The following CCDC13 variants were observed in gnomAD, a reference collection of about 807,000 sequenced individuals.
The protein encoded by CCDC13 is coiled-coil domain-containing protein 13.
A neutral mutation model predicts 87.3 loss-of-function variants in CCDC13; 70 were observed. The ratio of observed to expected loss-of-function variants is 0.80; its 90% CI spans 0.66 to 0.98. The LOEUF (loss-of-function observed/expected upper bound fraction) is 0.98. Ranked by LOEUF, CCDC13 falls within the 50% of genes least tolerant of loss-of-function variation. CCDC13 has a pLI of 0.00. For synonymous variants in CCDC13, 317 were observed against 360.3 expected (o/e 0.88, Z 1.36); for missense variants, 842 against 892.0 (o/e 0.94, Z 0.71).
chr3:42,737,386 G>A (rs78329140), intron 9 of CCDC13, among the ~76,000 whole-genome samples: 25,689 of 152,140 alleles, frequency 0.17, 2,244 homozygotes, highest in South Asian at 0.25. Context: ...GTGTGCATGC[G>A]TCTTTATAGT....
chr3:42,769,923 G>C (rs543615134), intron 1 of CCDC13, among the ~76,000 whole-genome samples: 9 of 152,378 alleles, frequency 5.9e-5, no homozygotes, highest in Admixed American at 1.3e-4. Context: ...GCTGGGGACC[G>C]GCAGCCCGCC....
intron 9 of CCDC13, among the ~76,000 whole-genome samples, chr3:42,737,013 A>G (rs981238687): frequency 1.3e-5 from 2 of 152,170 alleles, no homozygotes; most frequent in Admixed American, 1.3e-4. Context: ...TGCTGCACCC[A>G]TCAACTCATC....
At chr3:42,745,702 C>A in intron 7 of CCDC13, 2 of 392,578 alleles carry the variant, frequency 5.1e-6, no homozygotes, top group Non-Finnish European at 9.1e-6. Flanking sequence ...CAGTGCCTGG[C>A]ATGTGCTAAG....
chr3:42,752,192 G>A (rs145095475), intron 4 of CCDC13, among the ~76,000 whole-genome samples, 167 bp from the exon 5 acceptor site: 381 of 152,320 alleles, frequency 2.5e-3, no homozygotes, highest in Non-Finnish European at 4.1e-3. Context: ...GCTCTGGAAT[G>A]GAGAGGGTTT....
At position 42,739,646 on chromosome 3, in the gene CCDC13, G is replaced by A. The variant is rs200080188; in HGVS notation, c.1152C>T (p.Ile384=). Residue 384 remains isoleucine (I), a synonymous_variant, in exon 9 of 16, where the codon ATC becomes ATT. Coordinates refer to ENST00000310232, the MANE Select transcript of CCDC13 (RefSeq NM_144719.4). ...GGTGGGGCCATACCATGAGGGCGTC[G>A]ATGAGCTCGTCATCATGCCGGCCCT... ...VEKGRHDDEL[I]DALMDQLKQL... is the part of the protein sequence containing the mutation. The A allele has an allele frequency of 4.9e-4, 794 of 1,613,922 alleles. 5 individuals carry two copies. The highest frequency in any genetic ancestry group is 2.5e-3 in the South Asian group (225 of 91,066).
chr3:42,715,620 G>T (rs1400225090), intron 13 of CCDC13, among the ~76,000 whole-genome samples: 1 of 150,216 alleles, frequency 6.7e-6, no homozygotes, highest in South Asian at 2.1e-4. Flanking sequence ...GTAACAAAAA[G>T]AAAAAAAAAT....
chr3:42,765,165 G>A (rs532195207), intron 1 of CCDC13, among the ~76,000 whole-genome samples: 30 of 152,222 alleles, frequency 2.0e-4, no homozygotes, highest in African/African-American at 7.2e-4. Context: ...TGATACTTAC[G>A]AACTTCACAG....
intron 13 of CCDC13, among the ~76,000 whole-genome samples, chr3:42,722,173 A>G (rs1056740844): frequency 1.3e-5 from 2 of 152,208 alleles, no homozygotes; most frequent in African/African-American, 4.8e-5. Flanking sequence ...TGGACTCAAG[A>G]GTTATGAATG....
chr3:42,743,610 C>CACACACACACACACAT (rs1261467201), intron 7 of CCDC13, among the ~76,000 whole-genome samples: 2 of 87,636 alleles, frequency 2.3e-5, no homozygotes, highest in African/African-American at 9.4e-5. Context: ...TACACACACA[C>CACACACACACACACAT]ATATATATAT....
intron 14 of CCDC13, among the ~76,000 whole-genome samples, chr3:42,711,722 GCCT>G (rs952745229): frequency 4.6e-5 from 7 of 152,332 alleles, no homozygotes; most frequent in Admixed American, 3.3e-4. Flanking sequence ...TATAAATCTA[GCCT>G]CCTCATTTTA....
At chr3:42,744,696 T>C (rs1332327090) in intron 7 of CCDC13, among the ~76,000 whole-genome samples, 1 of 149,594 alleles carries the variant, frequency 6.7e-6, no homozygotes, top group Non-Finnish European at 1.5e-5. Context: ...TCTCAGCTAC[T>C]CAGGAGGCTG....
chr3:42,726,046 T>C (rs1046369393), intron 13 of CCDC13, among the ~76,000 whole-genome samples: 2 of 152,184 alleles, frequency 1.3e-5, no homozygotes, highest in Non-Finnish European at 1.5e-5. Context: ...TTTGTTGTTG[T>C]TGTTTTGTTT....
intron 6 of CCDC13, chr3:42,746,249 G>T: frequency 1.9e-6 from 1 of 514,226 alleles, no homozygotes; most frequent in Non-Finnish European, 3.5e-6. Flanking sequence ...GCAATGCTTA[G>T]AGCAGCCAAG....
At chr3:42,749,938 G>A (rs1046995099) in intron 5 of CCDC13, 3 of 456,640 alleles carry the variant, frequency 6.6e-6, no homozygotes, top group South Asian at 4.6e-5. Context: ...TGTGGCTCGG[G>A]CTTGGGCCGC....
At chr3:42,713,141 G>C (rs748118559) in intron 14 of CCDC13, 21 bp downstream of exon 14, 1 of 1,610,600 alleles carries the variant, frequency 6.2e-7, no homozygotes, top group East Asian at 2.2e-5. Flanking sequence ...CCTGCACTGA[G>C]ACTACTGCCC....
intron 8 of CCDC13, 87 bp from the exon 9 acceptor site, chr3:42,739,897 C>T: frequency 7.6e-7 from 1 of 1,317,954 alleles, no homozygotes; most frequent in East Asian, 2.3e-5. Flanking sequence ...AATGGCAAGG[C>T]CCGGGGCTGG....
intron 8 of CCDC13, among the ~76,000 whole-genome samples, chr3:42,741,502 C>T (rs972953708): frequency 3.9e-5 from 6 of 152,084 alleles, no homozygotes; most frequent in Admixed American, 1.3e-4. Flanking sequence ...TTTGTGAGGC[C>T]GAGGCAGGTG....
At chr3:42,770,049 C>T (rs529335384) in intron 1 of CCDC13, among the ~76,000 whole-genome samples, 2 of 152,372 alleles carry the variant, frequency 1.3e-5, no homozygotes, top group Admixed American at 6.5e-5. Flanking sequence ...CTGAGGAGTG[C>T]GGGCACACAG....
intron 10 of CCDC13, among the ~76,000 whole-genome samples, chr3:42,734,461 T>A (rs972797751): frequency 1.1e-4 from 17 of 152,172 alleles, no homozygotes; most frequent in African/African-American, 4.1e-4. Flanking sequence ...CACTGCCGTA[T>A]GTGCTCTGTT....
Sources: gnomAD v4.1 joint callset for allele counts (sites outside exome capture counted in the v4.1 genomes callset) on GRCh38, gnomAD v4.1.1 for gene constraint, MANE v1.5 for transcripts, NCBI Gene and HGNC (gene_info 2026-07-23, HGNC 2026-07-21) for gene names.